Variants in ROBO1 observed in about 807,000 individuals in gnomAD.
The protein encoded by ROBO1 is roundabout homolog 1.
A neutral mutation model predicts 195.9 loss-of-function variants in ROBO1; 149 were observed. The observed-to-expected ratio is 0.76, with a 90% CI of 0.67 to 0.87. The LOEUF (loss-of-function observed/expected upper bound fraction) is 0.87, where lower values mean the gene tolerates loss of function less well. Ranked by LOEUF, ROBO1 falls within the 40% of genes least tolerant of loss-of-function variation. The pLI is 0.00. For synonymous variants in ROBO1, 816 were observed against 733.2 expected (o/e 1.11, Z -1.82); for missense variants, 1,933 against 2,068.3 (o/e 0.93, Z 1.27).
chr3:79,007,410 C>T (rs1168334040), intron 3 of ROBO1, among the ~76,000 whole-genome samples: 9 of 152,080 alleles, frequency 5.9e-5, no homozygotes, highest in Admixed American at 5.9e-4. Flanking sequence ...GGCAGAAGGA[C>T]AGAGAGACAG....
At chr3:79,684,653 T>G (rs1250421414) in intron 1 of ROBO1, among the ~76,000 whole-genome samples, 1 of 151,022 alleles carries the variant, frequency 6.6e-6, no homozygotes, top group Non-Finnish European at 1.5e-5. Context: ...ACTCCTGAAT[T>G]ATGATGATGA....
chr3:79,188,807 A>G (rs2081488080), intron 2 of ROBO1, among the ~76,000 whole-genome samples: 1 of 151,724 alleles, frequency 6.6e-6, no homozygotes, highest in Non-Finnish European at 1.5e-5. Flanking sequence ...CACTGTCTGA[A>G]TGTTTTTGTG....
intron 1 of ROBO1, among the ~76,000 whole-genome samples, chr3:79,655,793 C>T (rs144324592): frequency 5.9e-5 from 9 of 152,062 alleles, no homozygotes; most frequent in South Asian, 2.1e-4. Context: ...TATGTTTGAC[C>T]GAGATGTGTT....
chr3:79,361,687 T>G (rs1374965461), intron 2 of ROBO1, among the ~76,000 whole-genome samples: 1 of 152,072 alleles, frequency 6.6e-6, no homozygotes, highest in Non-Finnish European at 1.5e-5. Context: ...CATTTGTTGT[T>G]TGAGCTCTCA....
intron 1 of ROBO1, among the ~76,000 whole-genome samples, chr3:79,650,990 G>T (rs902176954): frequency 1.3e-5 from 2 of 151,720 alleles, no homozygotes; most frequent in African/African-American, 4.8e-5. Flanking sequence ...CTGAAATTCT[G>T]GAATATGGAT....
chr3:79,172,815 T>C (rs1176776219), intron 2 of ROBO1, among the ~76,000 whole-genome samples: 1 of 152,208 alleles, frequency 6.6e-6, no homozygotes, highest in Non-Finnish European at 1.5e-5. Flanking sequence ...GTTCTTTTAG[T>C]TTAGAATACC....
At chr3:79,704,186 T>C (rs1217453954) in intron 1 of ROBO1, among the ~76,000 whole-genome samples, 1 of 151,928 alleles carries the variant, frequency 6.6e-6, no homozygotes, top group Non-Finnish European at 1.5e-5. Context: ...AAGTGGTACA[T>C]TTGCTACAAT....
chr3:78,835,221 A>T (rs1167169690), intron 4 of ROBO1, among the ~76,000 whole-genome samples: 1 of 152,196 alleles, frequency 6.6e-6, no homozygotes, highest in Non-Finnish European at 1.5e-5. Flanking sequence ...TAATGTCATT[A>T]CAAATTATGT....
At chr3:79,081,950 C>T (rs573664865) in intron 3 of ROBO1, among the ~76,000 whole-genome samples, 88 of 152,196 alleles carry the variant, frequency 5.8e-4, no homozygotes, top group African/African-American at 2.0e-3. Context: ...TTAGCCAAGA[C>T]TATTTTTAGA....
intron 16 of ROBO1, 101 bp from the exon 17 acceptor site, chr3:78,659,908 T>A (rs1575861611): frequency 2.0e-5 from 15 of 746,106 alleles, no homozygotes; most frequent in Non-Finnish European, 2.5e-5. Flanking sequence ...TAATACTATA[T>A]CAATATATGC....
intron 3 of ROBO1, among the ~76,000 whole-genome samples, chr3:79,092,374 G>A (rs2079494015): frequency 6.6e-6 from 1 of 151,984 alleles, no homozygotes. Context: ...AGCCTTAGAT[G>A]TCTAAAAAGG....
chr3:78,687,054 T>C (rs2081068151), intron 9 of ROBO1, among the ~76,000 whole-genome samples: 1 of 152,210 alleles, frequency 6.6e-6, no homozygotes, highest in African/African-American at 2.4e-5. Context: ...ATTTAACTAC[T>C]ATTCCATGGA....
chr3:79,601,009 G>A (rs1022143649), intron 1 of ROBO1, among the ~76,000 whole-genome samples: 5 of 151,934 alleles, frequency 3.3e-5, no homozygotes, highest in Admixed American at 6.6e-5. Context: ...TAAGTTACAA[G>A]CGGTGGTAAT....
chr3:79,741,708 A>G (rs1703657531), intron 1 of ROBO1, among the ~76,000 whole-genome samples: 1 of 152,294 alleles, frequency 6.6e-6, no homozygotes, highest in Middle Eastern at 3.4e-3. Flanking sequence ...TGGAGGACTC[A>G]GAAAAAGACA....
intron 3 of ROBO1, among the ~76,000 whole-genome samples, chr3:79,111,447 T>G (rs1235401393): frequency 6.6e-6 from 1 of 152,146 alleles, no homozygotes; most frequent in Non-Finnish European, 1.5e-5. Flanking sequence ...GAAGAGCCCT[T>G]TCTTCTTATT....
intron 9 of ROBO1, among the ~76,000 whole-genome samples, chr3:78,687,359 C>A (rs1428964947): frequency 6.6e-6 from 1 of 152,070 alleles, no homozygotes; most frequent in Non-Finnish European, 1.5e-5. Context: ...TACCAAGACA[C>A]TAGAATTCAA....
chr3:79,578,254 C>G (rs1943557730), intron 2 of ROBO1, among the ~76,000 whole-genome samples: 1 of 152,030 alleles, frequency 6.6e-6, no homozygotes, highest in South Asian at 2.1e-4. Flanking sequence ...TAAACTTAGT[C>G]TTACAATAAA....
At chr3:79,086,558 T>C (rs2079374696) in intron 3 of ROBO1, among the ~76,000 whole-genome samples, 1 of 152,190 alleles carries the variant, frequency 6.6e-6, no homozygotes, top group African/African-American at 2.4e-5. Context: ...AAAGATAAGC[T>C]GCCCAGACAG....
At chr3:78,676,495 T>C (rs1708437698) in intron 10 of ROBO1, among the ~76,000 whole-genome samples, 1 of 152,136 alleles carries the variant, frequency 6.6e-6, no homozygotes, top group Admixed American at 6.5e-5. Flanking sequence ...CTGATGGAGC[T>C]GAAAGCCAAA....
Sources: gnomAD v4.1 joint callset for allele counts (sites outside exome capture counted in the v4.1 genomes callset) on GRCh38, gnomAD v4.1.1 for gene constraint, MANE v1.5 for transcripts, NCBI Gene and HGNC (gene_info 2026-07-23, HGNC 2026-07-21) for gene names.